The following CSRNP3 variants were observed in gnomAD, a reference collection of about 807,000 sequenced individuals.
The protein encoded by CSRNP3 is cysteine and serine rich nuclear protein 3.
CSRNP3 carries 12 observed loss-of-function variants against 48.0 expected under a neutral mutation model. That is an observed-to-expected ratio of 0.25 (90% confidence interval 0.16 to 0.41). The LOEUF (loss-of-function observed/expected upper bound fraction) is 0.41, where lower values mean the gene tolerates loss of function less well. CSRNP3 is among the 10% of genes least tolerant of loss of function. The pLI is 1.00. For synonymous variants in CSRNP3, 263 were observed against 269.7 expected (o/e 0.98, Z 0.24); for missense variants, 580 against 724.4 (o/e 0.80, Z 2.29).
At position 165,685,873 on chromosome 2, in the gene CSRNP3, G is replaced by A. The variant is rs530062213; in HGVS notation, c.*6120G>A. ...TAACTCCTCTCTTTATCATTACCAC[G>A]GTGATAGTTAAGTTCATTCGTTAAC... On this transcript the variant is annotated 3_prime_UTR_variant, in exon 7 of 7. Coordinates refer to ENST00000651982, the MANE Select transcript of CSRNP3 (RefSeq NM_001172173.2). 1.3e-4 allele frequency: 20 copies of A among 152,104 alleles called. No homozygotes were observed. The highest frequency in any genetic ancestry group is 3.6e-4 in the African/African-American group (15 of 41,520). 9.4% of individuals were successfully genotyped at this position (152,104 alleles called of 1,614,324 possible).
chr2:165,640,216 T>C (rs1686701647), intron 4 of CSRNP3, among the ~76,000 whole-genome samples: 1 of 152,242 alleles, frequency 6.6e-6, no homozygotes, highest in African/African-American at 2.4e-5. Context: ...AAACTTTGTT[T>C]AATGTGTTAC....
intron 5 of CSRNP3, 63 bp from the exon 6 acceptor site, chr2:165,676,249 C>A (rs1687421614): frequency 2.3e-6 from 3 of 1,279,364 alleles, no homozygotes; most frequent in Non-Finnish European, 3.4e-6. Context: ...TCACCCAGTA[C>A]AAACATACAG....
At chr2:165,492,262 T>G (rs1684223012) in intron 1 of CSRNP3, among the ~76,000 whole-genome samples, 1 of 152,174 alleles carries the variant, frequency 6.6e-6, no homozygotes, top group Non-Finnish European at 1.5e-5. Flanking sequence ...AGTTGTCCCT[T>G]TAAAATGTAA....
chr2:165,568,357 A>G (rs556637821), intron 3 of CSRNP3, among the ~76,000 whole-genome samples: 1 of 152,202 alleles, frequency 6.6e-6, no homozygotes, highest in East Asian at 1.9e-4. Context: ...AGCACCAGAC[A>G]TCCTCCTTCA....
intron 5 of CSRNP3, among the ~76,000 whole-genome samples, chr2:165,660,330 G>T (rs969168310): frequency 1.3e-5 from 2 of 152,166 alleles, no homozygotes; most frequent in African/African-American, 2.4e-5. Context: ...TTACAACTGA[G>T]AAATAAAAGA....
intron 3 of CSRNP3, among the ~76,000 whole-genome samples, chr2:165,571,817 A>G (rs1335385398): frequency 6.6e-6 from 1 of 152,128 alleles, no homozygotes; most frequent in African/African-American, 2.4e-5. Flanking sequence ...CATCTACTTT[A>G]TCAAAAGTAA....
intron 4 of CSRNP3, among the ~76,000 whole-genome samples, chr2:165,623,180 G>A (rs1038562439): frequency 6.6e-6 from 1 of 152,192 alleles, no homozygotes; most frequent in Non-Finnish European, 1.5e-5. Context: ...ATCCACAGAT[G>A]ATTTAAAGCA....
chr2:165,674,681 A>AATATATATATATATATATATATATATAT (rs59117817), intron 5 of CSRNP3, among the ~76,000 whole-genome samples: 2 of 103,232 alleles, frequency 1.9e-5, no homozygotes, highest in African/African-American at 4.7e-5. Context: ...AATACTTCTG[A>AATATATATATATATATATATATATATAT]ATATATATAT....
intron 2 of CSRNP3, among the ~76,000 whole-genome samples, chr2:165,517,662 A>G (rs1452595892): frequency 6.6e-6 from 1 of 151,956 alleles, no homozygotes; most frequent in African/African-American, 2.4e-5. Context: ...TGTATGGATC[A>G]TTAGAAATTT....
rs1687523256 is a variant in CSRNP3 at position 165,680,832 on chromosome 2, A to G, written c.*1079A>G. 1 of 152,168 alleles carries G rather than the reference A, an allele frequency of 6.6e-6. No homozygotes were observed. The highest frequency in any genetic ancestry group is 2.1e-4 in the South Asian group (1 of 4,824). The allele number at this position is 152,168 out of a possible 1,614,324, so 9.4% of individuals were successfully genotyped here. A position where few individuals can be genotyped will look rare whatever the true frequency, so the allele number is the denominator to read the frequency against. On this transcript the variant is annotated 3_prime_UTR_variant, in exon 7 of 7. Coordinates refer to ENST00000651982, the MANE Select transcript of CSRNP3 (RefSeq NM_001172173.2). ...GGACCTAACTCAGTAAATGCAGAGGAGGCTGAGGAAACATGGAAGAGACAC... is the reference window on the plus strand; with the variant it reads ...GGACCTAACTCAGTAAATGCAGAGGGGGCTGAGGAAACATGGAAGAGACAC...
intron 3 of CSRNP3, among the ~76,000 whole-genome samples, chr2:165,525,787 T>C (rs1684725783): frequency 6.6e-6 from 1 of 152,136 alleles, no homozygotes. Flanking sequence ...ACTCCCAGCC[T>C]GATGTTATAT....
chr2:165,568,148 C>T (rs1685322037), intron 3 of CSRNP3, among the ~76,000 whole-genome samples: 1 of 152,006 alleles, frequency 6.6e-6, no homozygotes, highest in Admixed American at 6.6e-5. Context: ...TTCATGCCCC[C>T]ATTGTTTTTC....
At chr2:165,617,000 G>A (rs1686257022) in intron 4 of CSRNP3, among the ~76,000 whole-genome samples, 1 of 151,880 alleles carries the variant, frequency 6.6e-6, no homozygotes, top group Non-Finnish European at 1.5e-5. Context: ...TCAGTTCAAG[G>A]ATCAGTTTGT....
chr2:165,600,784 C>T (rs1212113986), intron 4 of CSRNP3, among the ~76,000 whole-genome samples: 1 of 152,166 alleles, frequency 6.6e-6, no homozygotes, highest in Non-Finnish European at 1.5e-5. Context: ...TTATTTAAAT[C>T]TCACTCATCA....
At chr2:165,502,999 T>C (rs1201858233) in intron 2 of CSRNP3, among the ~76,000 whole-genome samples, 1 of 152,010 alleles carries the variant, frequency 6.6e-6, no homozygotes, top group Non-Finnish European at 1.5e-5. Flanking sequence ...AGTGATTTTC[T>C]TTTTCATTGT....
At chr2:165,633,094 A>G (rs1336138787) in intron 4 of CSRNP3, among the ~76,000 whole-genome samples, 1 of 152,238 alleles carries the variant, frequency 6.6e-6, no homozygotes, top group Non-Finnish European at 1.5e-5. Context: ...CTGATTGTGT[A>G]GTTAAGCTTG....
chr2:165,568,295 C>T (rs944769006), intron 3 of CSRNP3, among the ~76,000 whole-genome samples: 2 of 152,048 alleles, frequency 1.3e-5, no homozygotes, highest in Non-Finnish European at 2.9e-5. Context: ...TTACAATGTC[C>T]TGCATATTGC....
intron 5 of CSRNP3, among the ~76,000 whole-genome samples, chr2:165,666,360 A>G (rs1301961972): frequency 8.6e-4 from 88 of 101,808 alleles, no homozygotes; most frequent in African/African-American, 2.9e-3. Context: ...GGAAGGAAGG[A>G]AGGAAAGAGA....
At position 165,682,953 on chromosome 2, in the gene CSRNP3, G is replaced by A. The variant is rs1414257069; in HGVS notation, c.*3200G>A. 1 of 152,124 alleles carries A rather than the reference G, an allele frequency of 6.6e-6. No individual in the cohort carries two copies. Among genetic ancestry groups the A allele is most frequent in the Non-Finnish European group, 1.5e-5 (1 of 68,018 alleles). The allele number at this position is 152,124 out of a possible 1,614,324, so 9.4% of individuals were successfully genotyped here. On this transcript the variant is annotated 3_prime_UTR_variant, in exon 7 of 7. Coordinates refer to ENST00000651982, the MANE Select transcript of CSRNP3 (RefSeq NM_001172173.2). ...TTAGTCATTCACTATCAATTGCAAA[G>A]CTTCATGCTCCAGCCCTGGCTATTC...
Sources: allele counts gnomAD v4.1 joint callset (sites outside exome capture counted in the v4.1 genomes callset), GRCh38; gene constraint gnomAD v4.1.1; transcripts MANE v1.5; gene names NCBI Gene and HGNC (gene_info 2026-07-23, HGNC 2026-07-21).